The following HS3ST3B1 variants were observed in gnomAD, a reference collection of about 807,000 sequenced individuals.
The protein encoded by HS3ST3B1 is heparan sulfate glucosamine 3-O-sulfotransferase 3B1.
HS3ST3B1 carries 13 observed loss-of-function variants against 21.3 expected under a neutral mutation model. The observed-to-expected ratio is 0.61, with a 90% CI of 0.40 to 0.97. HS3ST3B1 has a LOEUF of 0.97. HS3ST3B1 is among the 50% of genes least tolerant of loss of function. The pLI, the probability that HS3ST3B1 is intolerant of heterozygous loss-of-function variation, is 0.00. For missense variants in HS3ST3B1, 459 were observed against 554.8 expected (o/e 0.83, Z 1.73); for synonymous variants, 234 against 254.8 (o/e 0.92, Z 0.78).
In HS3ST3B1 at chr17:14,301,616, T is replaced by A. The variant is rs1318764843; in HGVS notation, c.98T>A (p.Leu33His). The A allele has an allele frequency of 1.2e-6, 2 of 1,606,218 alleles. No individual in the cohort carries two copies. Among genetic ancestry groups the A allele is most frequent in the Non-Finnish European group, 1.7e-6 (2 of 1,178,732 alleles). The change falls in exon 1 of 2, where the codon CTC (leucine) becomes CAC (histidine). Residue 33 changes from leucine to histidine, a missense_variant. Leu to His is a moderately conservative substitution (Grantham distance 99). Transcript: ENST00000360954. Reference sequence around the variant, plus strand: ...CCCCCGCCGCCGGTGAGGAGGAAGCTCGCGCTGCTCTTCGCCATGCTCTGC... The same window carrying A: ...CCCCCGCCGCCGGTGAGGAGGAAGCACGCGCTGCTCTTCGCCATGCTCTGC... Reference protein sequence around the residue: ...PPPPPPVRRKLALLFAMLCVW... With the variant: ...PPPPPPVRRKHALLFAMLCVW...
chr17:14,324,271 T>G (rs1372930529), intron 1 of HS3ST3B1, among the ~76,000 whole-genome samples: 1 of 152,220 alleles, frequency 6.6e-6, no homozygotes, highest in East Asian at 1.9e-4. Context: ...TACTGCTACT[T>G]CTGTGGGTGA....
chr17:14,313,790 G>A lies in HS3ST3B1; in HGVS notation c.554+11718G>A, dbSNP rs187422580. Among the ~76,000 whole-genome samples the A allele has an allele frequency of 8.7e-3, 1,321 of 152,014 alleles. 22 individuals are homozygous for A. The highest frequency in any genetic ancestry group is 0.034 in the South Asian group (166 of 4,814). ...CCACCATGTTGCTCAGGCTGGTCTC[G>A]AACTCCTGACCTCAGCTGATCCACC... On this transcript the variant is annotated intron_variant, in intron 1 of 1. Coordinates refer to ENST00000360954, the MANE Select transcript of HS3ST3B1 (RefSeq NM_006041.3).
intron 1 of HS3ST3B1, among the ~76,000 whole-genome samples, chr17:14,321,961 CATCATT>C (rs1454051205): frequency 6.6e-6 from 1 of 151,708 alleles, no homozygotes; most frequent in Non-Finnish European, 1.5e-5. Flanking sequence ...TCATTATCAT[CATCATT>C]ATCATTATCA....
At chr17:14,313,124 G>GTGTGTATATATATATATATCTA (rs1567637231) in intron 1 of HS3ST3B1, among the ~76,000 whole-genome samples, 1 of 128,798 alleles carries the variant, frequency 7.8e-6, no homozygotes, top group Non-Finnish European at 1.6e-5. Flanking sequence ...ATATATATAT[G>GTGTGTATATATATATATATCTA]TGTGTGTGTG....
At chr17:14,309,221 C>A (rs1225395495) in intron 1 of HS3ST3B1, among the ~76,000 whole-genome samples, 2 of 152,206 alleles carry the variant, frequency 1.3e-5, no homozygotes, top group Non-Finnish European at 2.9e-5. Flanking sequence ...TCAATCGACG[C>A]GGCCCTGGTG....
intron 1 of HS3ST3B1, among the ~76,000 whole-genome samples, chr17:14,341,226 A>G (rs1171735500): frequency 6.6e-6 from 1 of 152,212 alleles, no homozygotes; most frequent in African/African-American, 2.4e-5. Context: ...CTCTAGGGCC[A>G]GTGAGGAAAT....
In HS3ST3B1 at chr17:14,348,204, G is replaced by C. The variant is rs1910631069; in HGVS notation, c.*2558G>C. 1 of 152,136 alleles carries C rather than the reference G, an allele frequency of 6.6e-6. No individual in the cohort carries two copies. Among genetic ancestry groups the C allele is most frequent in the Non-Finnish European group, 1.5e-5 (1 of 68,026 alleles). 9.4% of individuals were successfully genotyped at this position (152,136 alleles called of 1,614,324 possible). A position where few individuals can be genotyped will look rare whatever the true frequency, so the allele number is the denominator to read the frequency against. Reference sequence around the variant, plus strand: ...AGGTCCCCGCCCTCTTTCCAAGCTGGACAATTTTTTATTAAGTTGTTTATT... The same window carrying C: ...AGGTCCCCGCCCTCTTTCCAAGCTGCACAATTTTTTATTAAGTTGTTTATT... On this transcript the variant is annotated 3_prime_UTR_variant, in exon 2 of 2. Transcript: ENST00000360954.
chr17:14,301,818 A>C lies in HS3ST3B1; in HGVS notation c.300A>C (p.Ser100=). The change falls in exon 1 of 2, where the codon TCA becomes TCC. Residue 100 remains serine (S), a synonymous_variant. Transcript: ENST00000360954. The part of the protein sequence containing the change: ...FRAPPATPLA[S]GKEMAEGAAS... ...CGCCGCCAGCCACCCCACTGGCTTC[A>C]GGCAAGGAGATGGCCGAGGGCGCTG... 6.4e-7 allele frequency: 1 copy of C among 1,563,658 alleles called. No individual in the cohort carries two copies. The highest frequency in any genetic ancestry group is 8.7e-7 in the Non-Finnish European group (1 of 1,154,546).
chr17:14,317,387 C>G (rs565631952), intron 1 of HS3ST3B1, among the ~76,000 whole-genome samples: 1 of 152,268 alleles, frequency 6.6e-6, no homozygotes, highest in African/African-American at 2.4e-5. Flanking sequence ...GGTAGGCAGG[C>G]ATTGGGAAAA....
At chr17:14,340,697 C>T (rs1193782433) in intron 1 of HS3ST3B1, among the ~76,000 whole-genome samples, 2 of 152,174 alleles carry the variant, frequency 1.3e-5, no homozygotes, top group Non-Finnish European at 2.9e-5. Context: ...ATTCTCCTGT[C>T]TCAGCCTCCC....
At position 14,345,856 on chromosome 17, in the gene HS3ST3B1, T is replaced by C. The variant is rs1910555404; in HGVS notation, c.*210T>C. 1.7e-6 allele frequency: 1 copy of C among 573,404 alleles called. No individual in the cohort carries two copies. The highest frequency in any genetic ancestry group is 3.1e-5 in the East Asian group (1 of 31,854). 35.5% of individuals were successfully genotyped at this position (573,404 alleles called of 1,614,324 possible). Reference sequence around the variant, plus strand: ...TTAACTCTAGTATTTCGTTCTCTTCTTCACAATTGATGGTGCTTCTATTTT... The same window carrying C: ...TTAACTCTAGTATTTCGTTCTCTTCCTCACAATTGATGGTGCTTCTATTTT... On this transcript the variant is annotated 3_prime_UTR_variant, in exon 2 of 2. Coordinates refer to ENST00000360954, the MANE Select transcript of HS3ST3B1 (RefSeq NM_006041.3).
intron 1 of HS3ST3B1, chr17:14,329,325 GAA>G (rs1567641182): frequency 6.1e-4 from 60 of 98,544 alleles, no homozygotes; most frequent in African/African-American, 2.3e-3. Context: ...GAGAAAGAAA[GAA>G]AGAAAGAAAG....
chr17:14,317,537 C>G (rs1324140261), intron 1 of HS3ST3B1, among the ~76,000 whole-genome samples: 1 of 152,200 alleles, frequency 6.6e-6, no homozygotes, highest in African/African-American at 2.4e-5. Context: ...AAGACACCAT[C>G]CAGCTGGGCA....
rs1908906998 is a variant in HS3ST3B1, at chr17:14,301,307, T to A, written c.-212T>A. The stretch of plus-strand genomic sequence containing the variant: ...GACTTTCCGTTCCAGTTGCAGCTCC[T>A]GCCGGGCAACATGTCAAGAGCCGCC... On this transcript the variant is annotated 5_prime_UTR_variant, in exon 1 of 2. Transcript: ENST00000360954. The A allele has an allele frequency of 1.6e-5, 8 of 499,158 alleles. No individual in the cohort carries two copies. The highest frequency in any genetic ancestry group is 2.1e-5 in the Non-Finnish European group (6 of 288,814). The allele number at this position is 499,158 out of a possible 1,614,324, so 30.9% of individuals were successfully genotyped here.
At chr17:14,342,810 A>G (rs944380173) in intron 1 of HS3ST3B1, among the ~76,000 whole-genome samples, 1 of 152,250 alleles carries the variant, frequency 6.6e-6, no homozygotes, top group Non-Finnish European at 1.5e-5. Context: ...AACTAATTTA[A>G]GAAGCTAATT....
At position 14,301,659 on chromosome 17, in the gene HS3ST3B1, C is replaced by G. The variant is rs1239209175; in HGVS notation, c.141C>G (p.Phe47Leu). 7 of 1,606,066 alleles carry G rather than the reference C, an allele frequency of 4.4e-6. No homozygotes were observed. Among genetic ancestry groups the G allele is most frequent in the Non-Finnish European group, 5.9e-6 (7 of 1,177,846 alleles). Residue 47 changes from phenylalanine (F) to leucine (L), a missense_variant, in exon 1 of 2, where the codon TTC becomes TTG. By Grantham distance (22) the Phe-to-Leu change is conservative. Around this residue, in one of 3 missense-constraint regions of HS3ST3B1, gnomAD observed 317 missense variants for 278.6 expected, o/e 1.14. Transcript: ENST00000360954. ...FAMLCVWLYM[F>L]LYSCAGSCAA... is the part of the protein sequence containing the mutation. Reference sequence around the variant, plus strand: ...TGCTCTGCGTCTGGCTCTATATGTTCCTGTACTCGTGCGCCGGCTCCTGCG... The same window carrying G: ...TGCTCTGCGTCTGGCTCTATATGTTGCTGTACTCGTGCGCCGGCTCCTGCG...
intron 1 of HS3ST3B1, among the ~76,000 whole-genome samples, chr17:14,314,102 C>T (rs1909422442): frequency 6.6e-6 from 1 of 152,076 alleles, no homozygotes; most frequent in African/African-American, 2.4e-5. Flanking sequence ...GCCTCAGCCT[C>T]CCGAGTAGCT....
Position 14,308,559 on chromosome 17 carries a change from C to T in HS3ST3B1, c.554+6487C>T, listed in dbSNP as rs374021049. On this transcript the variant is annotated intron_variant, in intron 1 of 1. Coordinates refer to ENST00000360954, the MANE Select transcript of HS3ST3B1 (RefSeq NM_006041.3). ...TTGCTGTTTGTAAAAATTATGAGTG[C>T]GTATCTTTAGATTTAGAGCTGGTTA... is the stretch of plus-strand genomic sequence containing the variant. 5.9e-4 allele frequency among the ~76,000 whole-genome samples: 90 copies of T among 152,132 alleles called. No individual in the cohort carries two copies. The South Asian group carries it at 0.014, about 24-fold the overall frequency.
At chr17:14,324,376 A>G (rs1396600639) in intron 1 of HS3ST3B1, among the ~76,000 whole-genome samples, 1 of 152,100 alleles carries the variant, frequency 6.6e-6, no homozygotes, top group Admixed American at 6.5e-5. Flanking sequence ...CTAACCTGTC[A>G]GTGGCTTTTC....
Sources: allele counts gnomAD v4.1 joint callset (sites outside exome capture counted in the v4.1 genomes callset), GRCh38; gene constraint gnomAD v4.1.1; regional missense constraint gnomAD v4.1.1; transcripts MANE v1.5; gene names NCBI Gene and HGNC (gene_info 2026-07-23, HGNC 2026-07-21).